The following COMP variants were observed in gnomAD, a reference collection of about 807,000 sequenced individuals.
COMP encodes cartilage oligomeric matrix protein (pseudoachondroplasia, epiphyseal dysplasia 1, multiple).
In COMP, 79 loss-of-function variants were observed where a neutral mutation model predicts 95.8. The observed-to-expected ratio is 0.82, with a 90% confidence interval of 0.69 to 0.99. The LOEUF (loss-of-function observed/expected upper bound fraction) is 0.99, where lower values mean the gene tolerates loss of function less well. COMP is among the 50% of genes least tolerant of loss of function. The pLI is 0.00. For missense variants in COMP, 906 were observed against 1,076.1 expected, an observed-to-expected ratio of 0.84 and a Z score of 2.21; for synonymous variants, 438 against 433.9, an observed-to-expected ratio of 1.01 and a Z score of -0.12.
Position 18,786,664 on chromosome 19 carries a change from C to A in COMP, c.1136-14G>T. 6.2e-7 allele frequency: 1 copy of A among 1,601,950 alleles called. No homozygotes were observed. The highest frequency in any genetic ancestry group is 2.2e-5 in the East Asian group (1 of 44,642). On this transcript the variant is annotated splice_polypyrimidine_tract_variant and intron_variant, in intron 10 of 18. Transcript: ENST00000222271. The stretch of plus-strand genomic sequence containing the variant: ...GGTTGCGGATCCCTGCAGAAATCCA[C>A]GGGACCAGAGCCCCAAGATTGGGAC...
intron 1 of COMP, 111 bp downstream of exon 1, chr19:18,791,080 G>T (rs2055210109): frequency 1.3e-6 from 2 of 1,498,872 alleles, no homozygotes; most frequent in Non-Finnish European, 1.8e-6. Context: ...CGCCCGGCAC[G>T]TCCCCTACGA....
chr19:18,785,938 C>T (rs1325292645), intron 13 of COMP, 27 bp downstream of exon 13: 4 of 1,575,358 alleles, frequency 2.5e-6, no homozygotes, highest in Middle Eastern at 4.2e-4. Flanking sequence ...GGCCCCGCCC[C>T]CACCGCAGGC....
Position 18,786,259 on chromosome 19 carries a change from A to C in COMP, c.1287T>G (p.Ala429=). 6.2e-7 allele frequency: 1 copy of C among 1,614,018 alleles called. No individual in the cohort carries two copies. The highest frequency in any genetic ancestry group is 8.5e-7 in the Non-Finnish European group (1 of 1,180,024). Residue 429 remains alanine (A), a synonymous_variant, in exon 12 of 19, where the codon GCT becomes GCG. Coordinates refer to ENST00000222271, the MANE Select transcript of COMP (RefSeq NM_000095.3). ...ADVDHDFVGD[A]CDSDQDQDGD... ...CTTACTGGTCTTGATCGCTGTCACAAGCATCTCCCACAAAGTCGTGGTCCA... is the reference window on the plus strand; with the variant it reads ...CTTACTGGTCTTGATCGCTGTCACACGCATCTCCCACAAAGTCGTGGTCCA...
chr19:18,790,258 C>T lies in COMP; in HGVS notation c.218-144G>A, dbSNP rs1601060159. 1.3e-5 allele frequency: 9 copies of T among 668,622 alleles called. No homozygotes were observed. The East Asian group carries it at 2.7e-4, about 20-fold the overall frequency. The allele number at this position is 668,622 out of a possible 1,614,324, so 41.4% of individuals were successfully genotyped here. A position where few individuals can be genotyped will look rare whatever the true frequency, so the allele number is the denominator to read the frequency against. On this transcript the variant is annotated intron_variant, in intron 3 of 18. Transcript: ENST00000222271. Reference sequence around the variant, plus strand: ...GGGCGGCCCGAAATCCTGCGCTGTCCGCGATCCCGCCCCAGAGGCTGCGCG... The same window carrying T: ...GGGCGGCCCGAAATCCTGCGCTGTCTGCGATCCCGCCCCAGAGGCTGCGCG...
chr19:18,785,927 TGGCCCCGCCCCCACCGCA>T lies in COMP; in HGVS notation c.1489+20_1489+37del, dbSNP rs773226781. The T allele has an allele frequency of 2.8e-5, 45 of 1,581,312 alleles. 2 individuals are homozygous for T. In the South Asian group the frequency reaches 4.7e-4, roughly 17 times the overall value. ...TAGACCCCGCGCCAGGAGCCCCCAC[TGGCCCCGCCCCCACCGCA>T]GGCCCCGCCCCCGCCGTACTGTCCG... On this transcript the variant is annotated intron_variant, in intron 13 of 18. Transcript: ENST00000222271.
Position 18,786,152 on chromosome 19 carries a change from G to C in COMP, c.1308-6C>G. ...CCTGATGTCCGTCTCCATCCCTAGA[G>C]TGGATAGGTGGGATCCAGAGACAAT... On this transcript the variant is annotated splice_region_variant and splice_polypyrimidine_tract_variant and intron_variant, in intron 12 of 18. Coordinates refer to ENST00000222271, the MANE Select transcript of COMP (RefSeq NM_000095.3). 6.2e-7 allele frequency: 1 copy of C among 1,614,152 alleles called. No individual in the cohort carries two copies. Among genetic ancestry groups the C allele is most frequent in the Non-Finnish European group, 8.5e-7 (1 of 1,180,036 alleles).
Position 18,789,152 on chromosome 19 carries a change from C to A in COMP, c.528+8G>T. The stretch of plus-strand genomic sequence containing the variant: ...CTGCTCCAAAAATGGGGCCCCCACA[C>A]CTCTCACCTGCTTGTTGGCCTTGGC... On this transcript the variant is annotated splice_region_variant and intron_variant, in intron 5 of 18. Coordinates refer to ENST00000222271, the MANE Select transcript of COMP (RefSeq NM_000095.3). This position sits in a 1 kb window ranked among gnomAD's most constrained non-coding sequence, Gnocchi z 6.1. 6.3e-7 allele frequency: 1 copy of A among 1,587,174 alleles called. No individual in the cohort carries two copies. Among genetic ancestry groups the A allele is most frequent in the African/African-American group, 1.4e-5 (1 of 73,690 alleles).
Position 18,784,327 on chromosome 19 carries a change from G to A in COMP, c.1951C>T (p.Arg651Trp), listed in dbSNP as rs556356731. The A allele has an allele frequency of 2.5e-5, 40 of 1,614,032 alleles. No individual in the cohort carries two copies. Among genetic ancestry groups the A allele is most frequent in the South Asian group, 2.1e-4 (19 of 91,072 alleles). ...TCTCCTGTATGCCACAGAGCGTTCC[G>A]CAGCTGTTCCCCGGGGCCTGTGGAA... ...KSSTGPGEQL[R>W]NALWHTGDTE... Residue 651 changes from arginine to tryptophan, a missense_variant, in exon 17 of 19, where the codon CGG becomes TGG. Physicochemically the swap from Arg to Trp is moderately radical, Grantham distance 101. Coordinates refer to ENST00000222271, the MANE Select transcript of COMP (RefSeq NM_000095.3). The surrounding 1 kb of genome is among the most constrained non-coding windows in gnomAD (Gnocchi z 4.9).
Position 18,784,370 on chromosome 19 carries a change from A to G in COMP, c.1915-7T>C, listed in dbSNP as rs1398261108. ...CTGTGGAAGACTTCACAGCCTGCCAATACCCAGGAAAGGTGGTCAGAGACC... is the reference window on the plus strand; with the variant it reads ...CTGTGGAAGACTTCACAGCCTGCCAGTACCCAGGAAAGGTGGTCAGAGACC... On this transcript the variant is annotated splice_region_variant and splice_polypyrimidine_tract_variant and intron_variant, in intron 16 of 18. Transcript: ENST00000222271. The surrounding 1 kb of genome is among the most constrained non-coding windows in gnomAD (Gnocchi z 4.9). 6.2e-7 allele frequency: 1 copy of G among 1,613,818 alleles called. No individual in the cohort carries two copies. The highest frequency in any genetic ancestry group is 8.5e-7 in the Non-Finnish European group (1 of 1,180,006).
chr19:18,783,069 GC>G lies in COMP; in HGVS notation c.2211del (p.Arg738ValfsTer?). On this transcript the variant is annotated frameshift_variant, in exon 18 of 19. Transcript: ENST00000222271. LOFTEE classifies it high-confidence loss of function. ...CTCGGCTCACCATTGCAGCGGTAAC[GC>G]AGGTTGGCCCAGATGATGTTCTCCT... Reference protein sequence around the residue: ...FSQENIIWANLRYRCNDTIPE... With the variant: ...FSQENIIWANXRYRCNDTIPE... The G allele has an allele frequency of 2.5e-6, 4 of 1,612,246 alleles. No individual in the cohort carries two copies. Among genetic ancestry groups the G allele is most frequent in the Middle Eastern group, 1.6e-4 (1 of 6,062 alleles).
At chr19:18,790,416 C>T (rs896470089) in intron 3 of COMP, 146 bp downstream of exon 3, 3 of 1,039,898 alleles carry the variant, frequency 2.9e-6, no homozygotes, top group African/African-American at 3.1e-5. Context: ...CACACCCCAT[C>T]CCATTCCCGT....
Position 18,789,695 on chromosome 19 carries a change from A to G in COMP, c.390+247T>C, listed in dbSNP as rs1601059217. On this transcript the variant is annotated intron_variant, in intron 4 of 18. Coordinates refer to ENST00000222271, the MANE Select transcript of COMP (RefSeq NM_000095.3). The surrounding 1 kb of genome is among the most constrained non-coding windows in gnomAD (Gnocchi z 6.1). ...GGCGGACCACCCCTGGCGGTGAGGGAGTCGTCGGGGCGGGCGTCACTAGCT... is the reference window on the plus strand; with the variant it reads ...GGCGGACCACCCCTGGCGGTGAGGGGGTCGTCGGGGCGGGCGTCACTAGCT... Among the ~76,000 whole-genome samples the G allele has an allele frequency of 8.3e-6, 1 of 119,880 alleles. No homozygotes were observed. The allele number at this position is 119,880 out of a possible 152,430, so 78.6% of individuals were successfully genotyped here. A position where few individuals can be genotyped will look rare whatever the true frequency, so the allele number is the denominator to read the frequency against.
chr19:18,785,095 A>G lies in COMP; in HGVS notation c.1718-3T>C. Reference sequence around the variant, plus strand: ...CACGCCATTGAAGGCAGTGTAACCTAGGGATGGAAAGAGAGCAGTGGCCTT... The same window carrying G: ...CACGCCATTGAAGGCAGTGTAACCTGGGGATGGAAAGAGAGCAGTGGCCTT... On this transcript the variant is annotated splice_polypyrimidine_tract_variant and splice_region_variant and intron_variant, in intron 15 of 18. Transcript: ENST00000222271. 6.2e-7 allele frequency: 1 copy of G among 1,613,774 alleles called. No individual in the cohort carries two copies. The highest frequency in any genetic ancestry group is 8.5e-7 in the Non-Finnish European group (1 of 1,179,866).
intron 1 of COMP, 32 bp downstream of exon 1, chr19:18,791,159 G>A: frequency 6.4e-7 from 1 of 1,560,728 alleles, no homozygotes; most frequent in African/African-American, 1.3e-5. Flanking sequence ...TTGTGGGGCC[G>A]TGGGCACGGC....
At chr19:18,787,442 CT>C (rs757625411) in intron 10 of COMP, 48 bp downstream of exon 10, 6 of 1,603,282 alleles carry the variant, frequency 3.7e-6, no homozygotes, top group Admixed American at 1.7e-5. Flanking sequence ...GAATCCCGCC[CT>C]TCGGTGCCCG....
intron 17 of COMP, among the ~76,000 whole-genome samples, chr19:18,783,796 G>A (rs932404299): frequency 1.3e-5 from 2 of 152,170 alleles, no homozygotes; most frequent in Admixed American, 1.3e-4. Flanking sequence ...TTTTAGTAGA[G>A]ATGGGGTTTC....
chr19:18,785,757 G>T lies in COMP; in HGVS notation c.1584C>A (p.Leu528=). Residue 528 remains leucine, a synonymous_variant, in exon 14 of 19, where the codon CTC becomes CTA. Coordinates refer to ENST00000222271, the MANE Select transcript of COMP (RefSeq NM_000095.3). ...DVCPENAEVT[L]TDFRAFQTVV... ...CTGTCTGGAAGGCCCTGAAGTCGGT[G>T]AGCGTGACTTCAGCGTTCTCCGGAC... 6.2e-7 allele frequency: 1 copy of T among 1,613,448 alleles called. No individual in the cohort carries two copies. Among genetic ancestry groups the T allele is most frequent in the Non-Finnish European group, 8.5e-7 (1 of 1,180,032 alleles).
rs372647850 is a variant in COMP, at chr19:18,791,272, C to G, written c.-3G>C. 2 of 1,591,064 alleles carry G rather than the reference C, an allele frequency of 1.3e-6. No homozygotes were observed. The highest frequency in any genetic ancestry group is 1.7e-6 in the Non-Finnish European group (2 of 1,171,126). On this transcript the variant is annotated 5_prime_UTR_variant, in exon 1 of 19. Coordinates refer to ENST00000222271, the MANE Select transcript of COMP (RefSeq NM_000095.3). The stretch of plus-strand genomic sequence containing the variant: ...ACGCAGGCGGTGTCGGGGACCATGG[C>G]GGTGGCGGGGAGCTGGGTGGCTGCT...
In COMP at chr19:18,784,844, G is replaced by A; in HGVS notation, c.1914+52C>T. Reference sequence around the variant, plus strand: ...AGGGCTGTAAAGGGTTTTACGGAGGGTCATGGGAGGGCATGAGGACCGCAG... The same window carrying A: ...AGGGCTGTAAAGGGTTTTACGGAGGATCATGGGAGGGCATGAGGACCGCAG... On this transcript the variant is annotated intron_variant, in intron 16 of 18. Transcript: ENST00000222271. The surrounding 1 kb of genome is among the most constrained non-coding windows in gnomAD (Gnocchi z 4.9). The A allele has an allele frequency of 1.3e-6, 2 of 1,593,136 alleles. No homozygotes were observed. The highest frequency in any genetic ancestry group is 1.7e-6 in the Non-Finnish European group (2 of 1,165,906).
Sources: gnomAD v4.1 joint callset for allele counts (sites outside exome capture counted in the v4.1 genomes callset) on GRCh38, gnomAD v4.1.1 for gene constraint, Gnocchi (gnomAD v3.1) non-coding constraint, MANE v1.5 for transcripts, NCBI Gene and HGNC (gene_info 2026-07-23, HGNC 2026-07-21) for gene names.